The following AGAP1 variants were observed in gnomAD, a reference collection of about 807,000 sequenced individuals.
AGAP1 encodes ArfGAP with GTPase domain, ankyrin repeat and PH domain 1.
In AGAP1, 29 loss-of-function variants were observed where a neutral mutation model predicts 105.3. The ratio of observed to expected loss-of-function variants is 0.28; its 90% CI spans 0.21 to 0.38. The LOEUF is 0.38. Ranked by LOEUF, AGAP1 falls within the 10% of genes least tolerant of loss-of-function variation. The pLI, the probability that AGAP1 is intolerant of heterozygous loss-of-function variation, is 1.00. For missense variants in AGAP1, 998 were observed against 1,165.1 expected (o/e 0.86, Z 2.09); for synonymous variants, 509 against 485.9 (o/e 1.05, Z -0.63).
intron 6 of AGAP1, among the ~76,000 whole-genome samples, chr2:235,776,336 T>G (rs909972985): frequency 3.9e-5 from 6 of 152,240 alleles, no homozygotes; most frequent in African/African-American, 1.2e-4. Context: ...AGTCCAGGCC[T>G]CCTCCTCAGT....
At chr2:235,641,269 A>G (rs1947180259) in intron 1 of AGAP1, among the ~76,000 whole-genome samples, 1 of 151,370 alleles carries the variant, frequency 6.6e-6, no homozygotes, top group Admixed American at 6.6e-5. Context: ...CTGCAGATGT[A>G]TGTGTAAGTC....
chr2:236,027,348 T>C lies in AGAP1; in HGVS notation c.1646-9213T>C, dbSNP rs1054625328. 6.6e-6 allele frequency among the ~76,000 whole-genome samples: 1 copy of C among 152,052 alleles called. No individual in the cohort carries two copies. Among genetic ancestry groups the C allele is most frequent in the African/African-American group, 2.4e-5 (1 of 41,388 alleles). On this transcript the variant is annotated intron_variant, in intron 13 of 17. Coordinates refer to ENST00000304032, the MANE Select transcript of AGAP1 (RefSeq NM_001037131.3). This position sits in a 1 kb window ranked among gnomAD's most constrained non-coding sequence, Gnocchi z 4.4. ...AGTGTTGGTGTAGAGTGGCCTTAAT[T>C]AGGCTCTGTGCTCAGATGTTAATCC...
chr2:235,821,407 G>A (rs546070646), intron 9 of AGAP1, among the ~76,000 whole-genome samples: 8 of 135,924 alleles, frequency 5.9e-5, no homozygotes, highest in Non-Finnish European at 7.6e-5. Context: ...TTTTTGAGAC[G>A]GGGTCTCGCT....
At chr2:236,088,287 A>G (rs1444608801) in intron 16 of AGAP1, among the ~76,000 whole-genome samples, 1 of 152,214 alleles carries the variant, frequency 6.6e-6, no homozygotes, top group Non-Finnish European at 1.5e-5. Flanking sequence ...TTCTCCTACA[A>G]TGCTTTGAAA....
rs1946971902 is a variant in AGAP1, at chr2:235,635,657, CCTT to C, written c.164-73519_164-73517del. ...GGAGGCATCAGAGTTAGCCATGGCACCTTCTCCAAAGCTGCCTCGCTCCTGCAC... is the reference window on the plus strand; with the variant it reads ...GGAGGCATCAGAGTTAGCCATGGCACCTCCAAAGCTGCCTCGCTCCTGCAC... On this transcript the variant is annotated intron_variant, in intron 1 of 17. Coordinates refer to ENST00000304032, the MANE Select transcript of AGAP1 (RefSeq NM_001037131.3). The surrounding 1 kb of genome is among the most constrained non-coding windows in gnomAD (Gnocchi z 5.3). 6.6e-6 allele frequency among the ~76,000 whole-genome samples: 1 copy of C among 151,992 alleles called. No homozygotes were observed. Among genetic ancestry groups the C allele is most frequent in the South Asian group, 2.1e-4 (1 of 4,820 alleles).
chr2:235,700,979 ATGTATATATTATATATG>A lies in AGAP1; in HGVS notation c.164-8199_164-8183del, dbSNP rs1303392079. On this transcript the variant is annotated intron_variant, in intron 1 of 17. Transcript: ENST00000304032. This position sits in a 1 kb window ranked among gnomAD's most constrained non-coding sequence, Gnocchi z 6.1. ...ATTATGTATTATGTATATATTATAT[ATGTATATATTATATATG>A]CTATAATATAGTTATATGTATATAT... is the stretch of plus-strand genomic sequence containing the variant. 2.9e-3 allele frequency among the ~76,000 whole-genome samples: 252 copies of A among 87,618 alleles called. 1 individual carries two copies. The highest frequency in any genetic ancestry group is 4.5e-3 in the Non-Finnish European group (168 of 37,658). The allele number at this position is 87,618 out of a possible 152,430, so 57.5% of individuals were successfully genotyped here. A position where few individuals can be genotyped will look rare whatever the true frequency, so the allele number is the denominator to read the frequency against.
chr2:235,906,471 AG>A lies in AGAP1; in HGVS notation c.1156-2263del, dbSNP rs1423990057. Among the ~76,000 whole-genome samples, 1 of 152,160 alleles carries A rather than the reference AG, an allele frequency of 6.6e-6. No homozygotes were observed. The highest frequency in any genetic ancestry group is 2.1e-4 in the South Asian group (1 of 4,824). On this transcript the variant is annotated intron_variant, in intron 10 of 17. Coordinates refer to ENST00000304032, the MANE Select transcript of AGAP1 (RefSeq NM_001037131.3). The surrounding 1 kb of genome is among the most constrained non-coding windows in gnomAD (Gnocchi z 5.3). ...CATCTTGTCCCTCTGGGGCTGATGT[AG>A]GGGAGCCTGCTGGGGTTCTGTATTT...
At chr2:235,572,590 G>T (rs1944564904) in intron 1 of AGAP1, among the ~76,000 whole-genome samples, 1 of 152,024 alleles carries the variant, frequency 6.6e-6, no homozygotes, top group Non-Finnish European at 1.5e-5. Context: ...CCTCCTATAG[G>T]GGCTTCCTGC....
At chr2:235,828,072 A>G (rs952293069) in intron 9 of AGAP1, among the ~76,000 whole-genome samples, 1 of 152,204 alleles carries the variant, frequency 6.6e-6, no homozygotes, top group African/African-American at 2.4e-5. Context: ...ATGAGAGCAG[A>G]TGGGGATCCT....
chr2:235,551,534 A>G lies in AGAP1; in HGVS notation c.163+56685A>G, dbSNP rs1017604405. 6.6e-6 allele frequency among the ~76,000 whole-genome samples: 1 copy of G among 152,128 alleles called. No homozygotes were observed. Among genetic ancestry groups the G allele is most frequent in the Non-Finnish European group, 1.5e-5 (1 of 68,026 alleles). ...GATTGGTCTCTAACTCCTGGGCTCA[A>G]GGGATACACCTACCTCAGCCTCCCA... On this transcript the variant is annotated intron_variant, in intron 1 of 17. Transcript: ENST00000304032. This position sits in a 1 kb window ranked among gnomAD's most constrained non-coding sequence, Gnocchi z 4.8.
rs554806628 is a variant in AGAP1, at chr2:235,989,949, G to T, written c.1645+21326G>T. On this transcript the variant is annotated intron_variant, in intron 13 of 17. Coordinates refer to ENST00000304032, the MANE Select transcript of AGAP1 (RefSeq NM_001037131.3). The surrounding 1 kb of genome is among the most constrained non-coding windows in gnomAD (Gnocchi z 4.4). ...GTTTAGATCATTCAAATGCGTAGCC[G>T]GGGTTGGGAACCAGTGGTTTAGGTT... Among the ~76,000 whole-genome samples, 8 of 152,080 alleles carry T rather than the reference G, an allele frequency of 5.3e-5. No individual in the cohort carries two copies. The highest frequency in any genetic ancestry group is 1.0e-4 in the Non-Finnish European group (7 of 68,018).
chr2:235,642,697 C>G lies in AGAP1; in HGVS notation c.164-66482C>G, dbSNP rs980758967. Among the ~76,000 whole-genome samples the G allele has an allele frequency of 6.6e-6, 1 of 152,218 alleles. No individual in the cohort carries two copies. Among genetic ancestry groups the G allele is most frequent in the Non-Finnish European group, 1.5e-5 (1 of 68,050 alleles). On this transcript the variant is annotated intron_variant, in intron 1 of 17. Transcript: ENST00000304032. This position sits in a 1 kb window ranked among gnomAD's most constrained non-coding sequence, Gnocchi z 4.1. ...CTACTTTCCCAAGGCTACTTTGCTT[C>G]AGGAAGTTACAGCAGCCATAGAGGA...
At chr2:235,770,133 C>CTTTTTTTTT (rs57008190) in intron 6 of AGAP1, among the ~76,000 whole-genome samples, 10 of 136,656 alleles carry the variant, frequency 7.3e-5, no homozygotes, top group East Asian at 2.2e-4. Context: ...TTCTTTGTTT[C>CTTTTTTTTT]TTTTTTTTTT....
Position 235,875,405 on chromosome 2 carries a change from A to G in AGAP1, c.1051-7940A>G, listed in dbSNP as rs2049669801. On this transcript the variant is annotated intron_variant, in intron 9 of 17. Coordinates refer to ENST00000304032, the MANE Select transcript of AGAP1 (RefSeq NM_001037131.3). This position sits in a 1 kb window ranked among gnomAD's most constrained non-coding sequence, Gnocchi z 4.0. ...CTGTCTGCTGAGAGATCTGATTCCC[A>G]GCGGACCGGCCTTCCTCACTCGATG... 6.6e-6 allele frequency among the ~76,000 whole-genome samples: 1 copy of G among 152,184 alleles called. No homozygotes were observed. The highest frequency in any genetic ancestry group is 2.1e-4 in the South Asian group (1 of 4,822).
In AGAP1 at chr2:235,663,702, A is replaced by T. The variant is rs1052336772; in HGVS notation, c.164-45477A>T. Among the ~76,000 whole-genome samples, 3 of 152,182 alleles carry T rather than the reference A, an allele frequency of 2.0e-5. No homozygotes were observed. The highest frequency in any genetic ancestry group is 4.4e-5 in the Non-Finnish European group (3 of 68,038). On this transcript the variant is annotated intron_variant, in intron 1 of 17. Transcript: ENST00000304032. This position sits in a 1 kb window ranked among gnomAD's most constrained non-coding sequence, Gnocchi z 5.4. ...AGATGTTGTCAAACATATTTAGGTC[A>T]TTGTTCTCTGACAGTTCGTGATATT...
At chr2:236,116,357 C>CTTTTTTTTTTTTT (rs371846381) in intron 16 of AGAP1, among the ~76,000 whole-genome samples, 29,920 of 125,738 alleles carry the variant, frequency 0.24, 4,781 homozygotes, top group South Asian at 0.34. Context: ...TAATTAAGTT[C>CTTTTTTTTTTTTT]TTTTTTTTTT....
intron 2 of AGAP1, among the ~76,000 whole-genome samples, chr2:235,711,892 A>G (rs1048390539): frequency 6.6e-6 from 1 of 152,196 alleles, no homozygotes; most frequent in African/African-American, 2.4e-5. Flanking sequence ...CAGTGACATG[A>G]TGTCATGGCA....
At chr2:235,501,218 G>A (rs764905883) in intron 1 of AGAP1, among the ~76,000 whole-genome samples, 4 of 152,190 alleles carry the variant, frequency 2.6e-5, no homozygotes, top group African/African-American at 7.2e-5. Flanking sequence ...TGGCATGTCG[G>A]ATGGACATTG....
intron 1 of AGAP1, among the ~76,000 whole-genome samples, chr2:235,626,966 G>C (rs1330788446): frequency 6.6e-6 from 1 of 151,382 alleles, no homozygotes; most frequent in Non-Finnish European, 1.5e-5. Context: ...TCCACTGATA[G>C]TGGGTCATTC....
Sources: allele counts gnomAD v4.1 joint callset (sites outside exome capture counted in the v4.1 genomes callset), GRCh38; gene constraint gnomAD v4.1.1; non-coding constraint Gnocchi (gnomAD v3.1); transcripts MANE v1.5; gene names NCBI Gene and HGNC (gene_info 2026-07-23, HGNC 2026-07-21).